The following SLC4A8 variants were observed in gnomAD, a reference collection of about 807,000 sequenced individuals.
SLC4A8 encodes the protein solute carrier family 4 member 8.
In SLC4A8, 40 loss-of-function variants were observed where a neutral mutation model predicts 125.0. That is an observed-to-expected ratio of 0.32 (90% CI 0.25 to 0.42). The LOEUF (loss-of-function observed/expected upper bound fraction) is 0.42. Ranked by LOEUF, SLC4A8 falls within the 10% of genes least tolerant of loss-of-function variation. The pLI is 1.00. For missense variants in SLC4A8, 863 were observed against 1,355.1 expected (o/e 0.64, Z 5.70); for synonymous variants, 456 against 476.0 (o/e 0.96, Z 0.55).
intron 1 of SLC4A8, among the ~76,000 whole-genome samples, chr12:51,405,372 T>C (rs184939248): frequency 6.6e-4 from 101 of 152,336 alleles, no homozygotes; most frequent in Non-Finnish European, 2.4e-4. Flanking sequence ...CTCTGAGCAC[T>C]GGAGAGGTCA....
At chr12:51,499,711 T>C (rs1937765473) in intron 22 of SLC4A8, among the ~76,000 whole-genome samples, 1 of 151,934 alleles carries the variant, frequency 6.6e-6, no homozygotes, top group Non-Finnish European at 1.5e-5. Context: ...GTGAGGGAGT[T>C]ACTTTATTTA....
chr12:51,493,142 C>T (rs11830803), intron 19 of SLC4A8, among the ~76,000 whole-genome samples: 9 of 152,108 alleles, frequency 5.9e-5, no homozygotes, highest in African/African-American at 2.2e-4. Context: ...ATAGACATGA[C>T]GTGATCAGAA....
At chr12:51,401,081 C>T (rs1326200472) in intron 1 of SLC4A8, among the ~76,000 whole-genome samples, 1 of 151,602 alleles carries the variant, frequency 6.6e-6, no homozygotes. Context: ...GATCCCACGG[C>T]AGCGTCTACC....
At chr12:51,490,253 T>A (rs1310697431) in intron 19 of SLC4A8, among the ~76,000 whole-genome samples, 1 of 151,916 alleles carries the variant, frequency 6.6e-6, no homozygotes. Flanking sequence ...TCTGAGGAGA[T>A]GCTATTTAAG....
At chr12:51,445,817 CA>C (rs2138154877) in intron 2 of SLC4A8, among the ~76,000 whole-genome samples, 1 of 150,234 alleles carries the variant, frequency 6.7e-6, no homozygotes, top group Non-Finnish European at 1.5e-5. Flanking sequence ...TAGTAATAAT[CA>C]ATATTTAAAT....
chr12:51,429,327 T>C (rs968359468), intron 1 of SLC4A8, among the ~76,000 whole-genome samples: 2 of 152,206 alleles, frequency 1.3e-5, no homozygotes, highest in Non-Finnish European at 2.9e-5. Context: ...GCTGTGTCTT[T>C]GTTGCCTATA....
At chr12:51,443,361 C>A (rs1167168816) in intron 2 of SLC4A8, among the ~76,000 whole-genome samples, 4 of 152,130 alleles carry the variant, frequency 2.6e-5, no homozygotes, top group Non-Finnish European at 5.9e-5. Flanking sequence ...AAGTGTGGGT[C>A]TTTTGCATAA....
chr12:51,464,286 A>C (rs1030013051), intron 11 of SLC4A8, among the ~76,000 whole-genome samples: 1 of 152,206 alleles, frequency 6.6e-6, no homozygotes, highest in Admixed American at 6.5e-5. Context: ...CAAATGAATG[A>C]ATATTTTTAG....
chr12:51,506,071 A>G (rs955955853), intron 24 of SLC4A8, 141 bp downstream of exon 24: 2 of 589,664 alleles, frequency 3.4e-6, no homozygotes, highest in Admixed American at 3.0e-5. Context: ...ACCACATAAG[A>G]ATAGCTATAA....
intron 13 of SLC4A8, among the ~76,000 whole-genome samples, chr12:51,470,927 A>C (rs1258770653): frequency 6.6e-6 from 1 of 151,608 alleles, no homozygotes; most frequent in Admixed American, 6.6e-5. Flanking sequence ...GGTTTCCCTA[A>C]TTTTCCTATA....
chr12:51,494,446 A>G (rs1951408025), intron 20 of SLC4A8: 1 of 140,492 alleles, frequency 7.1e-6, no homozygotes, highest in Admixed American at 7.4e-5. Context: ...CCATTCTTAC[A>G]TACTGAGTTC....
At chr12:51,499,193 ATAAG>A (rs1937728443) in intron 22 of SLC4A8, among the ~76,000 whole-genome samples, 1 of 152,202 alleles carries the variant, frequency 6.6e-6, no homozygotes, top group Non-Finnish European at 1.5e-5. Context: ...AAAAATAAAA[ATAAG>A]AAAGATATGT....
chr12:51,441,245 C>A (rs1416455408), intron 2 of SLC4A8: 5 of 973,646 alleles, frequency 5.1e-6, no homozygotes, highest in Non-Finnish European at 6.1e-6. Flanking sequence ...TATTTATACC[C>A]ATTTCTGCCT....
At chr12:51,465,985 C>T (rs1175686320) in intron 11 of SLC4A8, among the ~76,000 whole-genome samples, 1 of 152,130 alleles carries the variant, frequency 6.6e-6, no homozygotes, top group Non-Finnish European at 1.5e-5. Flanking sequence ...TGCAAAACTG[C>T]TTTATGCTTG....
chr12:51,421,094 T>G (rs1330029345), upstream of SLC4A8, among the ~76,000 whole-genome samples: 1 of 152,180 alleles, frequency 6.6e-6, no homozygotes, highest in Non-Finnish European at 1.5e-5. Flanking sequence ...ACTTTATGCC[T>G]CTTTCTGGGC....
intron 1 of SLC4A8, among the ~76,000 whole-genome samples, chr12:51,416,212 T>TTTTG (rs386376521): frequency 1.9e-5 from 1 of 53,804 alleles, no homozygotes. Context: ...AGGTCTTTTG[T>TTTTG]TTTTTTTTTT....
At chr12:51,429,342 T>C (rs1949110541) in intron 1 of SLC4A8, among the ~76,000 whole-genome samples, 2 of 152,192 alleles carry the variant, frequency 1.3e-5, no homozygotes, top group African/African-American at 4.8e-5. Context: ...CCTATAACAG[T>C]ACCTGTCTCT....
intron 14 of SLC4A8, among the ~76,000 whole-genome samples, chr12:51,472,086 T>A (rs554803259): frequency 1.3e-5 from 2 of 152,228 alleles, no homozygotes; most frequent in Non-Finnish European, 2.9e-5. Flanking sequence ...CTTAAGAGAT[T>A]ATGATTTCTT....
chr12:51,450,939 G>A lies in SLC4A8; in HGVS notation c.194G>A (p.Arg65His). The stretch of plus-strand genomic sequence containing the variant: ...GGCCGGCAGAGCCATCGGCATCACC[G>A]CACTCATGGCCAGAAGCACCGGAGA... ...PLGRQSHRHHRTHGQKHRRRG... is the reference protein window; with the variant it reads ...PLGRQSHRHHHTHGQKHRRRG... The change falls in exon 3 of 25, where the codon CGC becomes CAC. Residue 65 changes from arginine to histidine, a missense_variant. Physicochemically the swap from Arg to His is conservative, Grantham distance 29 (BLOSUM62 0). Transcript: ENST00000453097. 1 of 1,608,086 alleles carries A rather than the reference G, an allele frequency of 6.2e-7. No individual in the cohort carries two copies. Among genetic ancestry groups the A allele is most frequent in the Non-Finnish European group, 8.5e-7 (1 of 1,176,726 alleles).
Sources: gnomAD v4.1 joint callset for allele counts (sites outside exome capture counted in the v4.1 genomes callset) on GRCh38, gnomAD v4.1.1 for gene constraint, MANE v1.5 for transcripts, NCBI Gene and HGNC (gene_info 2026-07-23, HGNC 2026-07-21) for gene names.